DISC1: variants seen among roughly 807,000 people sequenced by gnomAD.
DISC1 encodes the protein DISC1 scaffold protein.
In DISC1, 57 loss-of-function variants were observed where a neutral mutation model predicts 84.5. That is an observed-to-expected ratio of 0.67 (90% CI 0.55 to 0.84). The LOEUF is 0.84. Among genes scored for constraint, DISC1 ranks in the 40% least tolerant of loss-of-function variants. DISC1 has a pLI of 0.00. For missense variants in DISC1, 1,000 were observed against 1,057.8 expected (o/e 0.95, Z 0.76); for synonymous variants, 411 against 415.2 (o/e 0.99, Z 0.12).
intron 10 of DISC1, among the ~76,000 whole-genome samples, chr1:231,973,854 G>C (rs1051859199): frequency 1.3e-5 from 2 of 152,052 alleles, no homozygotes; most frequent in Non-Finnish European, 2.9e-5. Context: ...CTATTTTCAG[G>C]GCTCAAAAGT....
intron 3 of DISC1, among the ~76,000 whole-genome samples, chr1:231,732,618 T>G (rs142097366): frequency 1.7e-3 from 255 of 152,356 alleles, no homozygotes; most frequent in African/African-American, 5.9e-3. Context: ...TTTTTCATTG[T>G]GTGGCTGAGT....
intron 9 of DISC1, among the ~76,000 whole-genome samples, chr1:231,883,654 A>G (rs2086455969): frequency 1.3e-5 from 2 of 152,136 alleles, no homozygotes; most frequent in Admixed American, 1.3e-4. Flanking sequence ...GAGGCAGGTG[A>G]GGCCACAGGC....
intron 1 of DISC1, among the ~76,000 whole-genome samples, chr1:231,691,144 G>A (rs562673407): frequency 6.6e-6 from 1 of 152,224 alleles, no homozygotes; most frequent in East Asian, 1.9e-4. Flanking sequence ...CTACTCAGGG[G>A]CTGGGCGCGG....
At chr1:232,013,825 T>G (rs1370543141) in intron 11 of DISC1, among the ~76,000 whole-genome samples, 2 of 152,082 alleles carry the variant, frequency 1.3e-5, no homozygotes, top group East Asian at 3.9e-4. Flanking sequence ...GAGTGACCTT[T>G]CTAGGTTTTA....
chr1:231,770,870 G>T lies in DISC1; in HGVS notation c.1434G>T (p.Val478=), dbSNP rs144785732. 3.8e-5 allele frequency: 62 copies of T among 1,614,090 alleles called. No homozygotes were observed. Among genetic ancestry groups the T allele is most frequent in the African/African-American group, 5.3e-5 (4 of 74,938 alleles). Residue 478 remains valine (V), a synonymous_variant, in exon 6 of 13, where the codon GTG becomes GTT. Transcript: ENST00000439617. Reference sequence around the variant, plus strand: ...AAGCTCTCCAAGCAAGGATGTTTGTGCTGGAAGCCAAAGATCAACAGCTGA... The same window carrying T: ...AAGCTCTCCAAGCAAGGATGTTTGTTCTGGAAGCCAAAGATCAACAGCTGA... ...EIEALQARMF[V]LEAKDQQLRR...
chr1:231,747,715 T>C (rs1265293082), intron 3 of DISC1, among the ~76,000 whole-genome samples: 1 of 152,214 alleles, frequency 6.6e-6, no homozygotes, highest in African/African-American at 2.4e-5. Flanking sequence ...AGTGTTGTTC[T>C]TTTCGCTTAT....
At chr1:231,663,940 A>G (rs2061766722) in intron 1 of DISC1, among the ~76,000 whole-genome samples, 1 of 152,178 alleles carries the variant, frequency 6.6e-6, no homozygotes, top group Non-Finnish European at 1.5e-5. Flanking sequence ...TAATAGAAGC[A>G]TCATAGGTAT....
chr1:231,864,201 A>G (rs537417402), intron 9 of DISC1, among the ~76,000 whole-genome samples: 1 of 152,322 alleles, frequency 6.6e-6, no homozygotes, highest in South Asian at 2.1e-4. Context: ...TCTGAGGGCA[A>G]ATTTTCAGAT....
chr1:231,973,100 G>A (rs1185425762), intron 10 of DISC1, among the ~76,000 whole-genome samples: 2 of 148,924 alleles, frequency 1.3e-5, no homozygotes, highest in African/African-American at 2.5e-5. Context: ...AGGCTGGAGT[G>A]CAGTGGTGTA....
At chr1:231,639,192 T>C (rs1245994659) in intron 1 of DISC1, among the ~76,000 whole-genome samples, 2 of 152,192 alleles carry the variant, frequency 1.3e-5, no homozygotes, top group South Asian at 2.1e-4. Context: ...CAAGCACACT[T>C]TTCATGTAGA....
chr1:231,877,219 C>T (rs1336816796), intron 9 of DISC1, among the ~76,000 whole-genome samples: 1 of 152,254 alleles, frequency 6.6e-6, no homozygotes, highest in Non-Finnish European at 1.5e-5. Flanking sequence ...CTTCTTACTG[C>T]AGAGACCAAC....
intron 9 of DISC1, among the ~76,000 whole-genome samples, chr1:231,845,635 C>T (rs941524684): frequency 1.3e-5 from 2 of 151,872 alleles, no homozygotes; most frequent in Admixed American, 6.6e-5. Context: ...GGTTTCCAGG[C>T]AGGTAGAGGA....
At chr1:231,746,312 T>C (rs1353311830) in intron 3 of DISC1, among the ~76,000 whole-genome samples, 3 of 152,260 alleles carry the variant, frequency 2.0e-5, no homozygotes, top group Non-Finnish European at 2.9e-5. Context: ...TAGTATTTCA[T>C]TGTGGATATA....
At chr1:231,802,545 T>C (rs967921464) in intron 8 of DISC1, among the ~76,000 whole-genome samples, 1 of 152,206 alleles carries the variant, frequency 6.6e-6, no homozygotes, top group African/African-American at 2.4e-5. Flanking sequence ...CTGACTTTGA[T>C]CTATGGCCTG....
chr1:231,714,512 A>G (rs1272388333), intron 3 of DISC1, among the ~76,000 whole-genome samples: 2 of 152,158 alleles, frequency 1.3e-5, no homozygotes, highest in Non-Finnish European at 2.9e-5. Flanking sequence ...GAATCACCAT[A>G]TGATTCAGCA....
intron 9 of DISC1, among the ~76,000 whole-genome samples, chr1:231,884,130 G>A (rs2086493555): frequency 6.6e-6 from 1 of 152,172 alleles, no homozygotes; most frequent in South Asian, 2.1e-4. Context: ...TCAGTGCGGG[G>A]TGATGGTGCA....
At position 231,891,122 on chromosome 1, in the gene DISC1, A is replaced by G. The variant is rs558758634; in HGVS notation, c.1982-67706A>G. On this transcript the variant is annotated intron_variant, in intron 9 of 12. Transcript: ENST00000439617. ...CTACTGTTTACAACAGGAGTGTCCA[A>G]TCTTTCGGCTTCCCTGGGCCACACT... Among the ~76,000 whole-genome samples the G allele has an allele frequency of 5.3e-5, 8 of 152,264 alleles. 1 individual carries two copies. The South Asian group carries it at 1.7e-3, about 32-fold the overall frequency.
chr1:231,744,194 T>C (rs2073690440), intron 3 of DISC1, among the ~76,000 whole-genome samples: 1 of 152,084 alleles, frequency 6.6e-6, no homozygotes, highest in Non-Finnish European at 1.5e-5. Context: ...AAAAGGATAA[T>C]GTTTGTATTG....
intron 9 of DISC1, among the ~76,000 whole-genome samples, chr1:231,905,552 G>A (rs1347337368): frequency 2.0e-5 from 3 of 151,974 alleles, no homozygotes; most frequent in Admixed American, 2.0e-4. Context: ...AGCCTGGGAT[G>A]ATGAAGTTGC....
Sources: gnomAD v4.1 joint callset for allele counts (sites outside exome capture counted in the v4.1 genomes callset) on GRCh38, gnomAD v4.1.1 for gene constraint, MANE v1.5 for transcripts, NCBI Gene and HGNC (gene_info 2026-07-23, HGNC 2026-07-21) for gene names.